Variants in NME7 observed in about 807,000 individuals in gnomAD.
NME7 encodes the protein NME/NM23 family member 7.
Under a neutral mutation model 49.1 loss-of-function variants are expected in NME7, and 41 were observed. The ratio of observed to expected loss-of-function variants is 0.83; its 90% CI spans 0.65 to 1.08. The LOEUF is 1.08. Among genes scored for constraint, NME7 ranks in the 50% least tolerant of loss-of-function variants. The probability of loss-of-function intolerance (pLI) is 0.00; values close to 1 mark genes in which losing one functional copy is unlikely to be tolerated. For synonymous variants in NME7, 139 were observed against 150.6 expected (o/e 0.92, Z 0.56); for missense variants, 423 against 463.4 (o/e 0.91, Z 0.80).
At chr1:169,322,805 A>G (rs1651902511) in intron 3 of NME7, among the ~76,000 whole-genome samples, 1 of 152,092 alleles carries the variant, frequency 6.6e-6, no homozygotes, top group Non-Finnish European at 1.5e-5. Flanking sequence ...AAGTGGAAAA[A>G]GGAAAGAATA....
chr1:169,360,653 C>A (rs1397383317), intron 1 of NME7, among the ~76,000 whole-genome samples: 2 of 152,170 alleles, frequency 1.3e-5, no homozygotes, highest in African/African-American at 2.4e-5. Context: ...CTGGAATGCT[C>A]TTCTCCTAGG....
At chr1:169,362,801 G>T (rs1653707200) in intron 1 of NME7, among the ~76,000 whole-genome samples, 1 of 152,072 alleles carries the variant, frequency 6.6e-6, no homozygotes, top group Non-Finnish European at 1.5e-5. Flanking sequence ...GATGCACAAA[G>T]AAACTTGAAA....
intron 1 of NME7, among the ~76,000 whole-genome samples, chr1:169,338,795 C>T (rs1420369793): frequency 6.6e-6 from 1 of 152,130 alleles, no homozygotes; most frequent in East Asian, 1.9e-4. Flanking sequence ...ATCAAAGGAA[C>T]ATTAACAATG....
At chr1:169,141,724 G>A (rs1658600680) in intron 11 of NME7, among the ~76,000 whole-genome samples, 1 of 151,940 alleles carries the variant, frequency 6.6e-6, no homozygotes, top group Non-Finnish European at 1.5e-5. Context: ...TTAGAAAATA[G>A]AAATAAAAAT....
At chr1:169,267,387 G>T (rs1649348518) in intron 7 of NME7, among the ~76,000 whole-genome samples, 1 of 133,206 alleles carries the variant, frequency 7.5e-6, no homozygotes, top group East Asian at 2.0e-4. Context: ...CCATGTACCA[G>T]TGACATTCTT....
At position 169,303,163 on chromosome 1, in the gene NME7, T is replaced by C; in HGVS notation, c.422A>G (p.Gln141Arg). Residue 141 changes from glutamine (Q) to arginine (R), a missense_variant, in exon 5 of 12, where the codon CAG (glutamine) becomes CGG (arginine). Coordinates refer to ENST00000367811, the MANE Select transcript of NME7 (RefSeq NM_013330.5). ...GACCTACTTGAAAAAGGGTCTTGAC[T>C]GGTGATCTACATGAAAATCCAATGC... ...KEALDFHVDH[Q>R]SRPFFNELIQ... The C allele has an allele frequency of 1.9e-6, 3 of 1,569,910 alleles. No individual in the cohort carries two copies. The highest frequency in any genetic ancestry group is 2.4e-5 in the East Asian group (1 of 42,538).
intron 1 of NME7, among the ~76,000 whole-genome samples, chr1:169,339,061 A>AAATATTTACC: frequency 6.6e-6 from 1 of 152,294 alleles, no homozygotes; most frequent in Middle Eastern, 3.4e-3. Context: ...GGACCATAAA[A>AAATATTTACC]TACTCAAATA....
chr1:169,255,140 ATCTG>A (rs1182334405), intron 7 of NME7, among the ~76,000 whole-genome samples: 3 of 133,966 alleles, frequency 2.2e-5, no homozygotes, highest in Non-Finnish European at 3.4e-5. Context: ...TGTCTCGTTG[ATCTG>A]TCTAATGTTG....
At chr1:169,174,038 T>C (rs746427165) in intron 10 of NME7, among the ~76,000 whole-genome samples, 3 of 152,188 alleles carry the variant, frequency 2.0e-5, no homozygotes, top group Non-Finnish European at 2.9e-5. Context: ...AAACCTTGCA[T>C]GCTGAGTCCC....
intron 1 of NME7, among the ~76,000 whole-genome samples, chr1:169,325,761 CT>C (rs1652038345): frequency 6.6e-6 from 1 of 152,084 alleles, no homozygotes; most frequent in Non-Finnish European, 1.5e-5. Flanking sequence ...TATCCATAAA[CT>C]ATAACGTAGA....
intron 3 of NME7, 70 bp downstream of exon 3, chr1:169,323,047 A>C: frequency 1.6e-6 from 2 of 1,269,006 alleles, no homozygotes; most frequent in Non-Finnish European, 2.1e-6. Flanking sequence ...ACATACTCCC[A>C]GTCTTGATTC....
At chr1:169,319,023 ATTTAATTTAAT>A (rs1347293475) in intron 3 of NME7, among the ~76,000 whole-genome samples, 2 of 134,552 alleles carry the variant, frequency 1.5e-5, no homozygotes, top group South Asian at 2.2e-4. Context: ...TTAAAATTAA[ATTTAATTTAAT>A]TTTAATTTTA....
chr1:169,168,576 T>G (rs1312547353), intron 11 of NME7, among the ~76,000 whole-genome samples: 1 of 152,122 alleles, frequency 6.6e-6, no homozygotes, highest in Non-Finnish European at 1.5e-5. Context: ...GGACTCCAGG[T>G]GCATGCCACT....
At chr1:169,299,108 C>A (rs780497736) in intron 5 of NME7, among the ~76,000 whole-genome samples, 1 of 152,160 alleles carries the variant, frequency 6.6e-6, no homozygotes, top group Non-Finnish European at 1.5e-5. Flanking sequence ...TTTTTATTTA[C>A]ATGTGTTTAC....
At chr1:169,197,407 CTG>C (rs35867722) in intron 10 of NME7, among the ~76,000 whole-genome samples, 56,110 of 151,304 alleles carry the variant, frequency 0.37, 10,943 homozygotes, top group East Asian at 0.73. Flanking sequence ...AAAAACTACT[CTG>C]TGTGTGTGTG....
rs994975305 is a variant in NME7 at position 169,269,941 on chromosome 1, C to G, written c.754+17362G>C. Among the ~76,000 whole-genome samples, 28 of 133,484 alleles carry G rather than the reference C, an allele frequency of 2.1e-4. 2 individuals are homozygous for G. The highest frequency in any genetic ancestry group is 7.1e-4 in the African/African-American group (28 of 39,620). 87.6% of individuals were successfully genotyped at this position (133,484 alleles called of 152,430 possible). A position where few individuals can be genotyped will look rare whatever the true frequency, so the allele number is the denominator to read the frequency against. On this transcript the variant is annotated intron_variant, in intron 7 of 11. Transcript: ENST00000367811. ...AATTTATTTATTTTTCTCTATCTCT[C>G]TCTCTTTTTAATATAGACAGGGTCT... is the stretch of plus-strand genomic sequence containing the variant.
At chr1:169,229,017 A>G (rs1167802322) in intron 10 of NME7, among the ~76,000 whole-genome samples, 5 of 152,190 alleles carry the variant, frequency 3.3e-5, no homozygotes, top group Non-Finnish European at 5.9e-5. Context: ...CTATTTCTAG[A>G]GCCTCTGACT....
chr1:169,157,991 C>T (rs1431504201), intron 11 of NME7, among the ~76,000 whole-genome samples: 1 of 152,156 alleles, frequency 6.6e-6, no homozygotes, highest in Non-Finnish European at 1.5e-5. Flanking sequence ...AATTTTCTCC[C>T]ATTCGATAGG....
intron 1 of NME7, among the ~76,000 whole-genome samples, chr1:169,358,119 G>A (rs1389315526): frequency 1.3e-5 from 2 of 152,066 alleles, no homozygotes; most frequent in East Asian, 3.9e-4. Context: ...CCACAAAATT[G>A]CATAACACCA....
Sources: gnomAD v4.1 joint callset for allele counts (sites outside exome capture counted in the v4.1 genomes callset) on GRCh38, gnomAD v4.1.1 for gene constraint, MANE v1.5 for transcripts, NCBI Gene and HGNC (gene_info 2026-07-23, HGNC 2026-07-21) for gene names.